Variants in OLFML2B observed in about 807,000 individuals in gnomAD.
OLFML2B encodes olfactomedin like 2B.
Under a neutral mutation model 74.9 loss-of-function variants are expected in OLFML2B, and 57 were observed. That is an observed-to-expected ratio of 0.76 (90% CI 0.61 to 0.95). The LOEUF (loss-of-function observed/expected upper bound fraction) is 0.95. Among genes scored for constraint, OLFML2B ranks in the 40% least tolerant of loss-of-function variants. The pLI is 0.00. For synonymous variants in OLFML2B, 388 were observed against 405.8 expected (o/e 0.96, Z 0.53); for missense variants, 986 against 970.6 (o/e 1.02, Z -0.21).
intron 3 of OLFML2B, among the ~76,000 whole-genome samples, chr1:162,012,576 C>T (rs924599685): frequency 6.6e-6 from 1 of 152,162 alleles, no homozygotes; most frequent in Non-Finnish European, 1.5e-5. Context: ...TTCCCTCGTG[C>T]CATCTATGCT....
intron 6 of OLFML2B, among the ~76,000 whole-genome samples, chr1:161,987,658 G>C (rs964926541): frequency 6.6e-6 from 1 of 152,210 alleles, no homozygotes; most frequent in African/African-American, 2.4e-5. Context: ...AACTGTTAGA[G>C]AGTACATTTC....
Position 162,000,229 on chromosome 1 carries a change from G to C in OLFML2B, c.833C>G (p.Pro278Arg). 6.2e-7 allele frequency: 1 copy of C among 1,613,880 alleles called. No individual in the cohort carries two copies. Among genetic ancestry groups the C allele is most frequent in the East Asian group, 2.2e-5 (1 of 44,870 alleles). ...ALPEVVKSQR[P>R]LQRQVHLRGR... The stretch of plus-strand genomic sequence containing the variant: ...TCTCAGGTGGACCTGCCTCTGCAGG[G>C]GCCGCTGTGACTTCACCACCTCAGG... Residue 278 changes from proline to arginine, a missense_variant, in exon 5 of 8, where the codon CCC becomes CGC. Transcript: ENST00000294794.
rs984473912 is a variant in OLFML2B at position 162,020,287 on chromosome 1, G to T, written c.175-105C>A. ...AGTCAAATGTCCTGCACTAGTCAGA[G>T]ACCTCAGAAAACTCTGAACCACAGA... On this transcript the variant is annotated intron_variant, in intron 1 of 7. Coordinates refer to ENST00000294794, the MANE Select transcript of OLFML2B (RefSeq NM_015441.3). The T allele has an allele frequency of 1.6e-5, 22 of 1,366,254 alleles. No homozygotes were observed. The African/African-American group carries it at 2.8e-4, about 17-fold the overall frequency. 84.6% of individuals were successfully genotyped at this position (1,366,254 alleles called of 1,614,324 possible). A position where few individuals can be genotyped will look rare whatever the true frequency, so the allele number is the denominator to read the frequency against.
At chr1:161,994,741 T>C (rs1349941441) in intron 6 of OLFML2B, among the ~76,000 whole-genome samples, 1 of 152,134 alleles carries the variant, frequency 6.6e-6, no homozygotes, top group Admixed American at 6.5e-5. Flanking sequence ...TACGGCCAAA[T>C]GTTTCGTTTG....
rs377589377 is a variant in OLFML2B at position 161,983,279 on chromosome 1, G to A, written c.*396C>T. On this transcript the variant is annotated 3_prime_UTR_variant, in exon 8 of 8. Coordinates refer to ENST00000294794, the MANE Select transcript of OLFML2B (RefSeq NM_015441.3). ...CCAATACATTAAAACTTTTTTTCTC[G>A]CCACATAGCACTTCTTTCTTGCCTC... is the stretch of plus-strand genomic sequence containing the variant. 82 of 154,386 alleles carry A rather than the reference G, an allele frequency of 5.3e-4. No individual in the cohort carries two copies. The highest frequency in any genetic ancestry group is 8.9e-4 in the Non-Finnish European group (63 of 70,564). The allele number at this position is 154,386 out of a possible 1,614,324, so 9.6% of individuals were successfully genotyped here.
chr1:161,983,777 C>T lies in OLFML2B; in HGVS notation c.2151G>A (p.Glu717=). 2 of 1,614,072 alleles carry T rather than the reference C, an allele frequency of 1.2e-6. No individual in the cohort carries two copies. Among genetic ancestry groups the T allele is most frequent in the East Asian group, 2.2e-5 (1 of 44,874 alleles). ...AGTCTATCTGGGTCGTATAGGAATACTCATTCTCGAACAGCAGCCTGGGGA... is the reference window on the plus strand; with the variant it reads ...AGTCTATCTGGGTCGTATAGGAATATTCATTCTCGAACAGCAGCCTGGGGA... The part of the protein sequence containing the change: ...QIVPRLLFEN[E]YSYTTQIDYN... Residue 717 remains glutamate (E), a synonymous_variant, in exon 8 of 8, where the codon GAG becomes GAA. Transcript: ENST00000294794.
intron 4 of OLFML2B, among the ~76,000 whole-genome samples, chr1:162,005,295 A>G (rs1047702551): frequency 3.3e-5 from 5 of 152,192 alleles, no homozygotes; most frequent in East Asian, 3.9e-4. Flanking sequence ...GCAGCAATCC[A>G]TTCATGGGTA....
intron 6 of OLFML2B, among the ~76,000 whole-genome samples, chr1:161,996,955 A>G (rs570508255): frequency 2.8e-4 from 42 of 152,258 alleles, no homozygotes; most frequent in Admixed American, 3.3e-4. Flanking sequence ...CAGGAGATTG[A>G]GACCATCCTG....
At chr1:161,994,428 G>A (rs1345395976) in intron 6 of OLFML2B, among the ~76,000 whole-genome samples, 1 of 152,220 alleles carries the variant, frequency 6.6e-6, no homozygotes, top group Non-Finnish European at 1.5e-5. Flanking sequence ...GATTCAAATA[G>A]GAGCCAGGCT....
intron 5 of OLFML2B, among the ~76,000 whole-genome samples, chr1:161,999,894 T>C (rs1281732249): frequency 2.6e-5 from 4 of 152,200 alleles, no homozygotes; most frequent in Admixed American, 6.5e-5. Flanking sequence ...CTCTGCCATA[T>C]GGTCTTCTGC....
intron 3 of OLFML2B, 136 bp from the exon 4 acceptor site, chr1:162,006,609 G>C (rs1690242539): frequency 1.4e-6 from 1 of 699,104 alleles, no homozygotes; most frequent in African/African-American, 1.8e-5. Flanking sequence ...ATTGGGGCTA[G>C]AGAGTGTGCC....
chr1:162,005,652 G>A (rs1183522928), intron 4 of OLFML2B, among the ~76,000 whole-genome samples: 3 of 152,202 alleles, frequency 2.0e-5, no homozygotes, highest in Non-Finnish European at 4.4e-5. Flanking sequence ...AGTGATTTGG[G>A]AGGCTGACGC....
intron 3 of OLFML2B, among the ~76,000 whole-genome samples, chr1:162,016,955 T>C (rs1272423074): frequency 6.6e-6 from 1 of 152,236 alleles, no homozygotes; most frequent in Non-Finnish European, 1.5e-5. Context: ...GTCTTCTTCC[T>C]CTAAAATGAA....
chr1:162,000,630 T>C (rs191226023), intron 4 of OLFML2B, among the ~76,000 whole-genome samples: 1 of 152,368 alleles, frequency 6.6e-6, no homozygotes, highest in African/African-American at 2.4e-5. Context: ...GTAAGGCAGA[T>C]TGAAGCCAGG....
chr1:162,001,486 T>A (rs564279748), intron 4 of OLFML2B, among the ~76,000 whole-genome samples: 21 of 152,306 alleles, frequency 1.4e-4, no homozygotes, highest in African/African-American at 4.6e-4. Context: ...CTTGTGATCA[T>A]GAGGGGATTT....
intron 4 of OLFML2B, among the ~76,000 whole-genome samples, chr1:162,001,873 C>T (rs570420566): frequency 1.3e-5 from 2 of 152,302 alleles, no homozygotes; most frequent in South Asian, 4.1e-4. Flanking sequence ...GGTAACTAAC[C>T]AGCATTTAAT....
Position 161,984,097 on chromosome 1 carries a change from G to T in OLFML2B, c.1831C>A (p.Pro611Thr). The change falls in exon 8 of 8, where the codon CCC becomes ACC. Residue 611 changes from proline (P) to threonine (T), a missense_variant. Transcript: ENST00000294794. The stretch of plus-strand genomic sequence containing the variant: ...TCTGAGTGGCCCTGCCATCGCCAGG[G>T]GGTGGCCTCCTCGTAGGCCACGTCA... ...LHDVAYEEAT[P>T]WRWQGHSDVD... The T allele has an allele frequency of 6.2e-7, 1 of 1,612,114 alleles. No homozygotes were observed. The highest frequency in any genetic ancestry group is 1.7e-5 in the Admixed American group (1 of 59,956).
intron 3 of OLFML2B, among the ~76,000 whole-genome samples, chr1:162,011,954 G>A (rs1690402397): frequency 6.6e-6 from 1 of 152,162 alleles, no homozygotes; most frequent in South Asian, 2.1e-4. Flanking sequence ...TCCCACAATT[G>A]CAAATTAGAT....
Position 161,984,938 on chromosome 1 carries a change from G to A in OLFML2B, c.1517C>T (p.Thr506Ile), listed in dbSNP as rs551653068. ...DTLSTITGPT[T>I]QNTYGRNEGA... ...TTCATTCCGCCCATATGTGTTCTGG[G>A]TGGTCGGCCCCGTGATTGTGGAGAG... Residue 506 changes from threonine (T) to isoleucine (I), a missense_variant, in exon 7 of 8, where the codon ACC becomes ATC. By Grantham distance (89) the Thr-to-Ile change is moderately conservative (BLOSUM62 -1). Coordinates refer to ENST00000294794, the MANE Select transcript of OLFML2B (RefSeq NM_015441.3). 248 of 1,611,704 alleles carry A rather than the reference G, an allele frequency of 1.5e-4. 3 individuals are homozygous for A. In the South Asian group the frequency reaches 2.6e-3, roughly 17 times the overall value.
Sources: allele counts gnomAD v4.1 joint callset (sites outside exome capture counted in the v4.1 genomes callset), GRCh38; gene constraint gnomAD v4.1.1; transcripts MANE v1.5; gene names NCBI Gene and HGNC (gene_info 2026-07-23, HGNC 2026-07-21).